Variants in PDE4D observed in about 807,000 individuals in gnomAD.
PDE4D encodes phosphodiesterase 4D.
PDE4D carries 24 observed loss-of-function variants against 87.4 expected under a neutral mutation model. The observed-to-expected ratio is 0.27, with a 90% CI of 0.20 to 0.39. The LOEUF (loss-of-function observed/expected upper bound fraction) is 0.39. PDE4D is among the 10% of genes least tolerant of loss of function. PDE4D has a pLI of 1.00. For missense variants in PDE4D, 714 were observed against 1,041.0 expected (o/e 0.69, Z 4.32); for synonymous variants, 384 against 383.2 (o/e 1.00, Z -0.02).
At chr5:59,989,307 T>C (rs1561951223) in intron 2 of PDE4D, among the ~76,000 whole-genome samples, 1 of 151,656 alleles carries the variant, frequency 6.6e-6, no homozygotes, top group Non-Finnish European at 1.5e-5. Flanking sequence ...TATCTAAACA[T>C]AGGAAAGATA....
chr5:60,379,461 T>C lies in PDE4D; in HGVS notation c.-90+108481A>G, dbSNP rs148405307. 2.0e-5 allele frequency among the ~76,000 whole-genome samples: 3 copies of C among 152,298 alleles called. No individual in the cohort carries two copies. The East Asian group carries it at 5.8e-4, about 29-fold the overall frequency. ...AAAAGGACATGGTCCACAGGTCTAT[T>C]CTTGGGAAGTGCAAAGCAGCTCTGA... On this transcript the variant is annotated intron_variant, in intron 1 of 16. Coordinates refer to the PDE4D transcript ENST00000502484.
At chr5:59,718,266 A>G (rs555483439) in intron 1 of PDE4D, among the ~76,000 whole-genome samples, 12 of 152,332 alleles carry the variant, frequency 7.9e-5, no homozygotes, top group Admixed American at 7.2e-4. Flanking sequence ...TGTCCATCTA[A>G]AGTTTAATCA....
At chr5:59,199,886 A>G (rs542284542) in intron 2 of PDE4D, among the ~76,000 whole-genome samples, 5 of 152,032 alleles carry the variant, frequency 3.3e-5, no homozygotes, top group South Asian at 2.1e-4. Context: ...ATCTATATAC[A>G]CATGTACATA....
chr5:60,085,991 T>C (rs1437098106), intron 2 of PDE4D, among the ~76,000 whole-genome samples: 10 of 152,208 alleles, frequency 6.6e-5, no homozygotes, highest in Non-Finnish European at 1.5e-4. Flanking sequence ...TAAAAGCATA[T>C]CCTCTGACAA....
chr5:59,846,410 G>A (rs181902652), intron 1 of PDE4D, among the ~76,000 whole-genome samples: 10 of 152,112 alleles, frequency 6.6e-5, no homozygotes, highest in Non-Finnish European at 8.8e-5. Flanking sequence ...AAAACCACCC[G>A]GGATGCTTGT....
intron 5 of PDE4D, among the ~76,000 whole-genome samples, chr5:59,133,683 GC>G (rs1776604670): frequency 6.6e-6 from 1 of 152,144 alleles, no homozygotes; most frequent in South Asian, 2.1e-4. Flanking sequence ...TGCCACAGCA[GC>G]CCCAGTAAAG....
intron 1 of PDE4D, among the ~76,000 whole-genome samples, chr5:59,438,087 C>G (rs1178135145): frequency 1.3e-5 from 2 of 152,124 alleles, no homozygotes; most frequent in Non-Finnish European, 2.9e-5. Context: ...CAGTTACCTC[C>G]CACCGGGTCC....
At chr5:59,077,191 C>A (rs1175669147) in intron 5 of PDE4D, among the ~76,000 whole-genome samples, 1 of 152,072 alleles carries the variant, frequency 6.6e-6, no homozygotes, top group South Asian at 2.1e-4. Context: ...AGGCATTATA[C>A]TCTTAGCATA....
intron 6 of PDE4D, among the ~76,000 whole-genome samples, chr5:59,007,073 A>G (rs561837002): frequency 1.3e-5 from 2 of 152,192 alleles, no homozygotes; most frequent in Non-Finnish European, 2.9e-5. Context: ...CCGTTAATAT[A>G]ATCAATTCTA....
chr5:59,360,694 A>G (rs1282905821), intron 1 of PDE4D, among the ~76,000 whole-genome samples: 1 of 152,212 alleles, frequency 6.6e-6, no homozygotes, highest in African/African-American at 2.4e-5. Flanking sequence ...ATTGCTTTCA[A>G]ATATTCATTC....
intron 2 of PDE4D, among the ~76,000 whole-genome samples, chr5:60,037,278 T>C (rs551704201): frequency 6.6e-6 from 1 of 152,296 alleles, no homozygotes; most frequent in South Asian, 2.1e-4. Context: ...GCTTAATTGA[T>C]GTATAAAGTA....
rs191151638 is a variant in PDE4D at position 60,477,153 on chromosome 5, A to G, written c.-90+10789T>C. Among the ~76,000 whole-genome samples the G allele has an allele frequency of 4.6e-5, 7 of 152,338 alleles. No individual in the cohort carries two copies. The East Asian group carries it at 1.4e-3, about 29-fold the overall frequency. ...AGGAGAGAGGAAATCAAACAGCAAG[A>G]ACATATGAAAGCATGATCAAAACCC... On this transcript the variant is annotated intron_variant, in intron 1 of 16. Transcript: ENST00000502484.
intron 1 of PDE4D, among the ~76,000 whole-genome samples, chr5:59,246,366 C>T (rs1379392848): frequency 1.3e-5 from 2 of 151,982 alleles, no homozygotes; most frequent in Admixed American, 6.6e-5. Context: ...ATGAGCTTGC[C>T]ATTACAGATA....
intron 6 of PDE4D, among the ~76,000 whole-genome samples, chr5:59,008,374 A>G (rs1187274868): frequency 6.6e-6 from 1 of 152,030 alleles, no homozygotes; most frequent in East Asian, 1.9e-4. Context: ...TCCTAAAGTA[A>G]TAATAACTAG....
chr5:59,727,465 A>T (rs1756768320), intron 1 of PDE4D, among the ~76,000 whole-genome samples: 1 of 152,120 alleles, frequency 6.6e-6, no homozygotes, highest in Non-Finnish European at 1.5e-5. Context: ...TGAAGAAAAA[A>T]ATATTGTAAT....
intron 1 of PDE4D, among the ~76,000 whole-genome samples, chr5:59,616,918 CATATATATATATATAT>C (rs55821264): frequency 3.7e-4 from 23 of 62,906 alleles, no homozygotes; most frequent in African/African-American, 9.0e-4. Flanking sequence ...CTAATAATTA[CATATATATATATATAT>C]ATATATATAT....
At chr5:60,394,137 G>A (rs538293690) in intron 1 of PDE4D, among the ~76,000 whole-genome samples, 3 of 152,040 alleles carry the variant, frequency 2.0e-5, no homozygotes, top group South Asian at 2.1e-4. Context: ...CCAAAATTTC[G>A]ACAAAATTCA....
rs372800456 is a variant in PDE4D at position 60,134,291 on chromosome 5, G to A, written c.42+51266C>T. The stretch of plus-strand genomic sequence containing the variant: ...GCAGGAGGATCACTTGAGGCCAGGA[G>A]TTTGAGACCTACCTAAGTGACATCT... On this transcript the variant is annotated intron_variant, in intron 2 of 16. Transcript: ENST00000502484. Among the ~76,000 whole-genome samples, 5 of 152,234 alleles carry A rather than the reference G, an allele frequency of 3.3e-5. No homozygotes were observed. The East Asian group carries it at 9.7e-4, about 29-fold the overall frequency.
intron 1 of PDE4D, among the ~76,000 whole-genome samples, chr5:59,230,039 G>A (rs1024256672): frequency 4.6e-5 from 7 of 152,086 alleles, no homozygotes; most frequent in South Asian, 2.1e-4. Flanking sequence ...CGCCTGCCTC[G>A]GCCTCCCAAA....
Sources: allele counts gnomAD v4.1 joint callset (sites outside exome capture counted in the v4.1 genomes callset), GRCh38; gene constraint gnomAD v4.1.1; transcripts MANE v1.5; gene names NCBI Gene and HGNC (gene_info 2026-07-23, HGNC 2026-07-21).